Variants in SIL1 observed in about 807,000 individuals in gnomAD.
The protein encoded by SIL1 is SIL1 nucleotide exchange factor.
In SIL1, 40 loss-of-function variants were observed where a neutral mutation model predicts 49.1. That is an observed-to-expected ratio of 0.81 (90% confidence interval 0.63 to 1.06). The LOEUF (loss-of-function observed/expected upper bound fraction) is 1.06, where lower values mean the gene tolerates loss of function less well. Ranked by LOEUF, SIL1 falls within the 50% of genes least tolerant of loss-of-function variation. The probability of loss-of-function intolerance (pLI) is 0.00; values close to 1 mark genes in which losing one functional copy is unlikely to be tolerated. For missense variants in SIL1, 500 were observed against 572.6 expected (o/e 0.87, Z 1.29); for synonymous variants, 253 against 250.8 (o/e 1.01, Z -0.08).
chr5:139,051,461 C>T (rs1301850931), intron 3 of SIL1, among the ~76,000 whole-genome samples: 1 of 152,294 alleles, frequency 6.6e-6, no homozygotes, highest in African/African-American at 2.4e-5. Flanking sequence ...TGCCCCTCCT[C>T]GACAGTCAGT....
chr5:139,156,935 C>T (rs1306341814), intron 1 of SIL1, among the ~76,000 whole-genome samples: 2 of 152,218 alleles, frequency 1.3e-5, no homozygotes, highest in African/African-American at 4.8e-5. Context: ...CAGACTCTAA[C>T]CTGGGTCCTA....
At chr5:139,159,790 C>T (rs974922017) in intron 1 of SIL1, among the ~76,000 whole-genome samples, 4 of 152,176 alleles carry the variant, frequency 2.6e-5, no homozygotes, top group Non-Finnish European at 5.9e-5. Context: ...AATACAGAGG[C>T]TGATCCACTC....
In SIL1 at chr5:139,042,616, A is replaced by G; in HGVS notation, c.453+4T>C. 1 of 1,613,578 alleles carries G rather than the reference A, an allele frequency of 6.2e-7. No homozygotes were observed. Among genetic ancestry groups the G allele is most frequent in the Middle Eastern group, 1.6e-4 (1 of 6,062 alleles). On this transcript the variant is annotated splice_donor_region_variant and intron_variant, in intron 5 of 9. Coordinates refer to ENST00000394817, the MANE Select transcript of SIL1 (RefSeq NM_022464.5). ...TTATACTCACAGGAAAAATAATCAC[A>G]CACCTTGTCTTCCTTTGAACTCTCC...
chr5:139,143,413 C>T (rs563987758), intron 1 of SIL1, among the ~76,000 whole-genome samples: 1 of 149,616 alleles, frequency 6.7e-6, no homozygotes, highest in East Asian at 2.0e-4. Flanking sequence ...TCTTGTTGCC[C>T]AGGTTAGAGT....
intron 3 of SIL1, among the ~76,000 whole-genome samples, chr5:139,080,815 G>A (rs1581084875): frequency 6.6e-6 from 1 of 152,130 alleles, no homozygotes; most frequent in African/African-American, 2.4e-5. Context: ...TTCCCTTTTT[G>A]TCTTGGCTAC....
chr5:138,985,028 C>G (rs906460906), intron 7 of SIL1, among the ~76,000 whole-genome samples: 1 of 152,240 alleles, frequency 6.6e-6, no homozygotes, highest in Non-Finnish European at 1.5e-5. Context: ...AATGGCAGGA[C>G]ATGGCAGTGG....
chr5:139,197,430 A>G (rs1752298726), intron 1 of SIL1, among the ~76,000 whole-genome samples: 1 of 152,178 alleles, frequency 6.6e-6, no homozygotes, highest in Admixed American at 6.5e-5. Context: ...GAGGTGGGAA[A>G]GCCAACTGAA....
At chr5:138,951,506 A>T (rs1216923518) in intron 8 of SIL1, among the ~76,000 whole-genome samples, 171 bp from the exon 9 acceptor site, 1 of 152,168 alleles carries the variant, frequency 6.6e-6, no homozygotes, top group Non-Finnish European at 1.5e-5. Flanking sequence ...GGACTCAGAC[A>T]CCTTCAACAT....
At chr5:139,193,019 A>C (rs1036550808) in intron 1 of SIL1, among the ~76,000 whole-genome samples, 1 of 148,960 alleles carries the variant, frequency 6.7e-6, no homozygotes, top group East Asian at 1.9e-4. Context: ...AAAAAAAAAA[A>C]AAAAAACAGG....
At chr5:139,169,547 T>C (rs1053653502) in intron 1 of SIL1, among the ~76,000 whole-genome samples, 1 of 150,424 alleles carries the variant, frequency 6.6e-6, no homozygotes, top group African/African-American at 2.4e-5. Flanking sequence ...AATGGCACAA[T>C]CTCCACTCAC....
At chr5:139,000,127 G>A (rs1049192700) in intron 7 of SIL1, among the ~76,000 whole-genome samples, 1 of 152,126 alleles carries the variant, frequency 6.6e-6, no homozygotes, top group Non-Finnish European at 1.5e-5. Context: ...TTATTATTAT[G>A]AGGTATGTTC....
intron 7 of SIL1, among the ~76,000 whole-genome samples, chr5:138,987,075 A>C (rs754518516): frequency 1.3e-5 from 2 of 149,888 alleles, no homozygotes; most frequent in Non-Finnish European, 3.0e-5. Flanking sequence ...TGTTTTATTT[A>C]TGATAGATTA....
intron 7 of SIL1, among the ~76,000 whole-genome samples, chr5:138,977,993 T>G (rs939026895): frequency 3.3e-5 from 5 of 152,258 alleles, no homozygotes; most frequent in African/African-American, 1.2e-4. Context: ...TCTCTGTAAC[T>G]AACTCATCTA....
intron 1 of SIL1, among the ~76,000 whole-genome samples, chr5:139,184,527 T>C (rs1029212193): frequency 2.0e-5 from 3 of 151,880 alleles, no homozygotes; most frequent in African/African-American, 4.8e-5. Context: ...TTTTAAAAAA[T>C]TAGCCAGGCA....
intron 7 of SIL1, among the ~76,000 whole-genome samples, chr5:139,018,229 C>T (rs1768441453): frequency 6.6e-6 from 1 of 152,152 alleles, no homozygotes; most frequent in South Asian, 2.1e-4. Flanking sequence ...TTCATCCACA[C>T]AAATGTATAT....
intron 1 of SIL1, among the ~76,000 whole-genome samples, chr5:139,197,116 A>C (rs2151826028): frequency 6.6e-6 from 1 of 152,178 alleles, no homozygotes; most frequent in African/African-American, 2.4e-5. Flanking sequence ...TAAAAATAGA[A>C]AATTAGCCGG....
intron 3 of SIL1, among the ~76,000 whole-genome samples, chr5:139,117,619 C>T (rs1413561119): frequency 1.3e-5 from 2 of 152,136 alleles, no homozygotes; most frequent in East Asian, 3.9e-4. Context: ...CAGCAAACAG[C>T]TTTCCTCTGC....
At chr5:139,084,875 T>C (rs1399241781) in intron 3 of SIL1, among the ~76,000 whole-genome samples, 1 of 152,182 alleles carries the variant, frequency 6.6e-6, no homozygotes, top group Non-Finnish European at 1.5e-5. Flanking sequence ...ATTTCTCAAG[T>C]ATAGTAATTA....
At chr5:139,182,357 CA>C (rs1383358663) in intron 1 of SIL1, among the ~76,000 whole-genome samples, 1 of 152,194 alleles carries the variant, frequency 6.6e-6, no homozygotes, top group African/African-American at 2.4e-5. Context: ...AGGTGTTACT[CA>C]AGGCATGGAC....
Sources: gnomAD v4.1 joint callset for allele counts (sites outside exome capture counted in the v4.1 genomes callset) on GRCh38, gnomAD v4.1.1 for gene constraint, MANE v1.5 for transcripts, NCBI Gene and HGNC (gene_info 2026-07-23, HGNC 2026-07-21) for gene names.